The following PLXNB2 variants were observed in gnomAD, a reference collection of about 807,000 sequenced individuals.
PLXNB2 encodes plexin B2.
Under a neutral mutation model 202.6 loss-of-function variants are expected in PLXNB2, and 85 were observed. The observed-to-expected ratio is 0.42, with a 90% CI of 0.35 to 0.50. The LOEUF (loss-of-function observed/expected upper bound fraction) is 0.50, where lower values mean the gene tolerates loss of function less well. PLXNB2 is among the 20% of genes least tolerant of loss of function. The pLI, the probability that PLXNB2 is intolerant of heterozygous loss-of-function variation, is 0.02. For missense variants in PLXNB2, 2,063 were observed against 2,586.2 expected (o/e 0.80, Z 4.39); for synonymous variants, 1,239 against 1,137.6 (o/e 1.09, Z -1.79).
In PLXNB2 at chr22:50,281,716, C is replaced by T. The variant is rs745396377; in HGVS notation, c.3372G>A (p.Thr1124=). ...CCACGAAGGCCTCGGCCTCCTGCAG[C>T]GTCATCGCCTTGTTCAGATTGGTGC... ...ARGTNLNKAM[T]LQEAEAFVGA... Residue 1124 remains threonine (T), a synonymous_variant, in exon 21 of 37, where the codon ACG becomes ACA. Transcript: ENST00000359337. 5 of 1,560,100 alleles carry T rather than the reference C, an allele frequency of 3.2e-6. No individual in the cohort carries two copies. The highest frequency in any genetic ancestry group is 1.4e-5 in the African/African-American group (1 of 73,728).
chr22:50,291,617 G>A lies in PLXNB2; in HGVS notation c.-13-1020C>T, dbSNP rs2066874497. Among the ~76,000 whole-genome samples, 1 of 152,066 alleles carries A rather than the reference G, an allele frequency of 6.6e-6. No homozygotes were observed. Among genetic ancestry groups the A allele is most frequent in the South Asian group, 2.1e-4 (1 of 4,820 alleles). On this transcript the variant is annotated intron_variant, in intron 2 of 36. Transcript: ENST00000359337. This position sits in a 1 kb window ranked among gnomAD's most constrained non-coding sequence, Gnocchi z 4.3. ...TACCAGACTCAACTGCATCTTGGGG[G>A]CTCAGACACAAGTGGCAGAGACAGG...
Position 50,281,436 on chromosome 22 carries a change from C to T in PLXNB2, c.3586G>A (p.Val1196Met), listed in dbSNP as rs1423712452. ...RVEYDTRVSD[V>M]PLSLILPLVI... ...AGCGGCAAGATGAGGCTGAGCGGCA[C>T]GTCGCTCACCCGTGTGTCGTACTCC... The change falls in exon 22 of 37, where the codon GTG (valine) becomes ATG (methionine). Residue 1196 changes from valine (V) to methionine (M), a missense_variant. Val to Met is a conservative substitution (Grantham distance 21, BLOSUM62 1). Transcript: ENST00000359337. The T allele has an allele frequency of 9.3e-6, 15 of 1,612,226 alleles. No individual in the cohort carries two copies. Among genetic ancestry groups the T allele is most frequent in the African/African-American group, 1.3e-5 (1 of 75,006 alleles).
In PLXNB2 at chr22:50,286,046, G is replaced by A; in HGVS notation, c.1930C>T (p.His644Tyr). The change falls in exon 10 of 37, where the codon CAC (histidine) becomes TAC (tyrosine). Residue 644 changes from histidine (H) to tyrosine (Y), a missense_variant. Physicochemically the swap from His to Tyr is moderately conservative, Grantham distance 83 (BLOSUM62 2). Transcript: ENST00000359337. ...TTGGGCGAAGCCTCCCGGCACTCGT[G>A]GTAGCGCAGGTCCCACTGGCAGGTC... ...RWTCQWDLRY[H>Y]ECREASPNPE... 6.2e-7 allele frequency: 1 copy of A among 1,612,418 alleles called. No individual in the cohort carries two copies.
chr22:50,280,714 G>GGGCCCCCCCC, intron 24 of PLXNB2, 30 bp downstream of exon 24: 17 of 1,528,758 alleles, frequency 1.1e-5, no homozygotes, highest in East Asian at 2.4e-5. Context: ...CCACCTGTGT[G>GGGCCCCCCCC]CCCTCCCGCC....
At chr22:50,299,894 G>C (rs977598365) in intron 1 of PLXNB2, among the ~76,000 whole-genome samples, 1 of 152,136 alleles carries the variant, frequency 6.6e-6, no homozygotes, top group Non-Finnish European at 1.5e-5. Flanking sequence ...CTCGCAGGCC[G>C]ACCCAGGTGG....
At chr22:50,294,893 T>C (rs2067146126) in intron 1 of PLXNB2, 115 bp from the exon 2 acceptor site, 1 of 410,316 alleles carries the variant, frequency 2.4e-6, no homozygotes, top group Admixed American at 6.4e-5. Context: ...CAGGACCCCA[T>C]CTGGCCTTTG....
At position 50,288,173 on chromosome 22, in the gene PLXNB2, T is replaced by C. The variant is rs1002986791; in HGVS notation, c.1381-136A>G. On this transcript the variant is annotated intron_variant, in intron 5 of 36. Transcript: ENST00000359337. This position sits in a 1 kb window ranked among gnomAD's most constrained non-coding sequence, Gnocchi z 5.0. Reference sequence around the variant, plus strand: ...GGAGCCTCAGACACCTCAGGCTTGATATTAAACAGTTCTGGCTCTGGGTGG... The same window carrying C: ...GGAGCCTCAGACACCTCAGGCTTGACATTAAACAGTTCTGGCTCTGGGTGG... 4.6e-6 allele frequency: 3 copies of C among 648,532 alleles called. No homozygotes were observed. Among genetic ancestry groups the C allele is most frequent in the Non-Finnish European group, 5.3e-6 (2 of 374,392 alleles). The allele number at this position is 648,532 out of a possible 1,614,324, so 40.2% of individuals were successfully genotyped here.
rs146624926 is a variant in PLXNB2, at chr22:50,295,629, C to T, written c.-73-851G>A. Among the ~76,000 whole-genome samples, 39 of 152,288 alleles carry T rather than the reference C, an allele frequency of 2.6e-4. No homozygotes were observed. The East Asian group carries it at 7.3e-3, about 29-fold the overall frequency. On this transcript the variant is annotated intron_variant, in intron 1 of 36. Transcript: ENST00000359337. ...GAGGCACAGACCCAGGGTGCTTCTC[C>T]GCATGGTTGGCTTTAGTGAAAATTT...
rs56335823 is a variant in PLXNB2, at chr22:50,282,689, G to A, written c.2987+22C>T. ...CAGCTGGGTGTGGGGAGCAGAGGGG[G>A]GCGGGGGGACACCAGCCTCACCTGG... On this transcript the variant is annotated intron_variant, in intron 18 of 36. Transcript: ENST00000359337. 4 of 1,558,952 alleles carry A rather than the reference G, an allele frequency of 2.6e-6. No individual in the cohort carries two copies. In the South Asian group the frequency reaches 4.6e-5, roughly 18 times the overall value.
intron 1 of PLXNB2, among the ~76,000 whole-genome samples, chr22:50,303,152 C>T (rs557844306): frequency 2.8e-4 from 43 of 152,154 alleles, no homozygotes; most frequent in African/African-American, 9.9e-4. Flanking sequence ...CTGGCCTGTC[C>T]TCAGAGCCCC....
In PLXNB2 at chr22:50,288,863, G is replaced by A. The variant is rs771663041; in HGVS notation, c.1260C>T (p.Leu420=). ...TSDGRILKVY[L]TPDGTSSEYD... ...ACTCTGAGGAGGTGCCATCTGGGGT[G>A]AGGTACACCTGTGTGCGCGAGGGCA... Residue 420 remains leucine, a synonymous_variant, in exon 5 of 37, where the codon CTC becomes CTT. Coordinates refer to ENST00000359337, the MANE Select transcript of PLXNB2 (RefSeq NM_012401.4). The surrounding 1 kb of genome is among the most constrained non-coding windows in gnomAD (Gnocchi z 5.0). 1.2e-6 allele frequency: 2 copies of A among 1,613,426 alleles called. No individual in the cohort carries two copies. The highest frequency in any genetic ancestry group is 1.7e-5 in the Admixed American group (1 of 60,024).
intron 27 of PLXNB2, among the ~76,000 whole-genome samples, 171 bp downstream of exon 27, chr22:50,279,459 C>T (rs1301853075): frequency 6.6e-6 from 1 of 152,168 alleles, no homozygotes; most frequent in Non-Finnish European, 1.5e-5. Context: ...GAGCCCACAG[C>T]CACCAGCACC....
rs769781535 is a variant in PLXNB2, at chr22:50,283,941, C to A, written c.2313G>T (p.Arg771=). The change falls in exon 14 of 37, where the codon CGG becomes CGT. Residue 771 remains arginine (R), a synonymous_variant. Coordinates refer to ENST00000359337, the MANE Select transcript of PLXNB2 (RefSeq NM_012401.4). ...SFGRSDCSLC[R]AANPDYRCAW... ...CACACCTGTAGTCGGGGTTAGCGGC[C>A]CGGCACAGGCTGCAGTCGCTGCGGC... is the stretch of plus-strand genomic sequence containing the variant. 3 of 1,561,062 alleles carry A rather than the reference C, an allele frequency of 1.9e-6. No individual in the cohort carries two copies. In the South Asian group the frequency reaches 3.5e-5, roughly 18 times the overall value.
Position 50,278,063 on chromosome 22 carries a change from G to T in PLXNB2, c.4888-50C>A, listed in dbSNP as rs190353943. ...GACGCCGTGGGCGCGGCTCCTGGGG[G>T]GGAGGGTCTCAGCGTGGCGGCCTGG... On this transcript the variant is annotated intron_variant, in intron 31 of 36. Transcript: ENST00000359337. 23 of 1,595,528 alleles carry T rather than the reference G, an allele frequency of 1.4e-5. No homozygotes were observed. In the African/African-American group the frequency reaches 2.5e-4, roughly 18 times the overall value.
At chr22:50,294,478 G>T (rs2067118589) in intron 2 of PLXNB2, among the ~76,000 whole-genome samples, 1 of 151,284 alleles carries the variant, frequency 6.6e-6, no homozygotes, top group Non-Finnish European at 1.5e-5. Context: ...CTGAGCAAAA[G>T]CTTGGCCTGA....
chr22:50,282,942 C>A, intron 17 of PLXNB2, 61 bp from the exon 18 acceptor site: 1 of 1,557,198 alleles, frequency 6.4e-7, no homozygotes, highest in Non-Finnish European at 8.7e-7. Flanking sequence ...CCCAGCCCGA[C>A]CAGGCTGGCC....
In PLXNB2 at chr22:50,278,256, T is replaced by A; in HGVS notation, c.4748A>T (p.Glu1583Val). ...DLPGERHALLEEENRVWHLVR... is the reference protein window; with the variant it reads ...DLPGERHALLVEENRVWHLVR... ...CAGGTGCCACACCCGGTTCTCCTCC[T>A]CCAGGAGGGCATGGCCTGTGGGGAG... is the stretch of plus-strand genomic sequence containing the variant. The change falls in exon 31 of 37, where the codon GAG (glutamate) becomes GTG (valine). Residue 1583 changes from glutamate to valine, a missense_variant. Transcript: ENST00000359337. 6.2e-7 allele frequency: 1 copy of A among 1,610,826 alleles called. No individual in the cohort carries two copies.
Position 50,275,649 on chromosome 22 carries a change from G to T in PLXNB2, c.*55C>A, listed in dbSNP as rs762527216. Reference sequence around the variant, plus strand: ...CAGCCACTCGGCCTCCTCCCCTGAGGGGCTCTCAGGTACCTCAGGTACCTA... The same window carrying T: ...CAGCCACTCGGCCTCCTCCCCTGAGTGGCTCTCAGGTACCTCAGGTACCTA... On this transcript the variant is annotated 3_prime_UTR_variant, in exon 37 of 37. Coordinates refer to ENST00000359337, the MANE Select transcript of PLXNB2 (RefSeq NM_012401.4). The T allele has an allele frequency of 2.4e-6, 3 of 1,261,196 alleles. No homozygotes were observed. The Admixed American group carries it at 6.0e-5, about 25-fold the overall frequency. 78.1% of individuals were successfully genotyped at this position (1,261,196 alleles called of 1,614,324 possible). A position where few individuals can be genotyped will look rare whatever the true frequency, so the allele number is the denominator to read the frequency against.
intron 1 of PLXNB2, among the ~76,000 whole-genome samples, chr22:50,299,736 C>A (rs916429771): frequency 3.3e-5 from 5 of 152,146 alleles, no homozygotes; most frequent in African/African-American, 1.2e-4. Flanking sequence ...ACCGGCGGCC[C>A]CGCCACCCAG....
Sources: gnomAD v4.1 joint callset for allele counts (sites outside exome capture counted in the v4.1 genomes callset) on GRCh38, gnomAD v4.1.1 for gene constraint, Gnocchi (gnomAD v3.1) non-coding constraint, MANE v1.5 for transcripts, NCBI Gene and HGNC (gene_info 2026-07-23, HGNC 2026-07-21) for gene names.